IFT88: variants seen among roughly 807,000 people sequenced by gnomAD.
IFT88 encodes intraflagellar transport 88.
In IFT88, 74 loss-of-function variants were observed where a neutral mutation model predicts 119.5. The observed-to-expected ratio is 0.62, with a 90% CI of 0.51 to 0.75. The LOEUF is 0.75. Among genes scored for constraint, IFT88 ranks in the 30% least tolerant of loss-of-function variants. IFT88 has a pLI of 0.00. For synonymous variants in IFT88, 279 were observed against 316.7 expected (o/e 0.88, Z 1.26); for missense variants, 961 against 977.7 (o/e 0.98, Z 0.23).
intron 14 of IFT88, among the ~76,000 whole-genome samples, chr13:20,621,546 A>T (rs937547607): frequency 7.5e-4 from 17 of 22,532 alleles, no homozygotes; most frequent in South Asian, 4.7e-3. Flanking sequence ...AAAAAAAAAA[A>T]AAAAAAAAAA....
chr13:20,625,697 C>A, intron 14 of IFT88, 53 bp from the exon 15 acceptor site: 1 of 1,214,444 alleles, frequency 8.2e-7, no homozygotes, highest in South Asian at 1.3e-5. Flanking sequence ...AAACCAACAG[C>A]ATCAATATAC....
At chr13:20,683,503 G>C (rs561539542) in intron 24 of IFT88, among the ~76,000 whole-genome samples, 5 of 152,226 alleles carry the variant, frequency 3.3e-5, no homozygotes, top group African/African-American at 1.2e-4. Context: ...TGACTGGATA[G>C]TCCCAGGTTG....
chr13:20,587,415 A>T (rs775293220), intron 3 of IFT88, among the ~76,000 whole-genome samples: 4 of 151,634 alleles, frequency 2.6e-5, no homozygotes, highest in Admixed American at 2.0e-4. Flanking sequence ...GAGCCACCAC[A>T]CCTGGCTAAT....
At position 20,671,019 on chromosome 13, in the gene IFT88, G is replaced by C; in HGVS notation, c.2222G>C (p.Arg741Thr). The C allele has an allele frequency of 6.2e-7, 1 of 1,614,050 alleles. No homozygotes were observed. The highest frequency in any genetic ancestry group is 2.2e-5 in the East Asian group (1 of 44,880). Residue 741 changes from arginine to threonine, a missense_variant, in exon 24 of 26, where the codon AGA (arginine) becomes ACA (threonine). Arg to Thr is a moderately conservative substitution (Grantham distance 71). Transcript: ENST00000351808. ...RDGSGGSRGK[R>T]EGSASGDSGQ... Reference sequence around the variant, plus strand: ...GGCAGTGGGGGCTCCCGTGGCAAAAGAGAAGGAAGTGCTAGCGGTGGTAAG... The same window carrying C: ...GGCAGTGGGGGCTCCCGTGGCAAAACAGAAGGAAGTGCTAGCGGTGGTAAG...
At chr13:20,579,751 G>A (rs1224075186) in intron 2 of IFT88, among the ~76,000 whole-genome samples, 2 of 152,198 alleles carry the variant, frequency 1.3e-5, no homozygotes, top group African/African-American at 4.8e-5. Flanking sequence ...AGCTGTGAAT[G>A]TGCTGGGTCA....
chr13:20,599,385 T>TTC (rs2042247003), intron 10 of IFT88, 66 bp from the exon 11 acceptor site: 1 of 597,766 alleles, frequency 1.7e-6, no homozygotes, highest in Non-Finnish European at 2.9e-6. Flanking sequence ...GAATTAAAAG[T>TTC]CATCTAAAAT....
At chr13:20,635,117 A>G (rs944443858) in intron 16 of IFT88, among the ~76,000 whole-genome samples, 3 of 151,994 alleles carry the variant, frequency 2.0e-5, no homozygotes, top group Non-Finnish European at 2.9e-5. Context: ...TGTCCCTACA[A>G]AGGACATGAA....
At chr13:20,592,295 G>A in intron 6 of IFT88, 40 bp from the exon 7 acceptor site, 1 of 1,481,700 alleles carries the variant, frequency 6.7e-7, no homozygotes, top group South Asian at 1.2e-5. Context: ...CGATTTTGCT[G>A]AGTTACAAAT....
intron 13 of IFT88, among the ~76,000 whole-genome samples, chr13:20,613,199 G>A (rs1231618510): frequency 6.6e-6 from 1 of 151,716 alleles, no homozygotes; most frequent in Non-Finnish European, 1.5e-5. Flanking sequence ...ATCTGAGAGG[G>A]GACTTATTTC....
intron 1 of IFT88, among the ~76,000 whole-genome samples, chr13:20,569,499 G>T (rs943744058): frequency 2.0e-5 from 3 of 151,736 alleles, no homozygotes; most frequent in Non-Finnish European, 4.4e-5. Flanking sequence ...CGTGAACTCG[G>T]GAGGCGGAGC....
intron 22 of IFT88, among the ~76,000 whole-genome samples, chr13:20,660,349 A>G (rs2053581433): frequency 6.6e-6 from 1 of 152,168 alleles, no homozygotes; most frequent in African/African-American, 2.4e-5. Context: ...GGACCTGTGG[A>G]TCCTCACAGG....
rs925392295 is a variant in IFT88, at chr13:20,663,177, T to C, written c.2069-321T>C. The C allele has an allele frequency of 6.2e-6, 7 of 1,137,106 alleles. No individual in the cohort carries two copies. In the African/African-American group the frequency reaches 6.4e-5, roughly 10 times the overall value. 70.4% of individuals were successfully genotyped at this position (1,137,106 alleles called of 1,614,324 possible). A position where few individuals can be genotyped will look rare whatever the true frequency, so the allele number is the denominator to read the frequency against. Reference sequence around the variant, plus strand: ...TCTCTTATAGCTCTTTATATGTATTTATGAAACTGCTATAGAACATTAACA... The same window carrying C: ...TCTCTTATAGCTCTTTATATGTATTCATGAAACTGCTATAGAACATTAACA... On this transcript the variant is annotated intron_variant, in intron 22 of 25. Coordinates refer to ENST00000351808, the MANE Select transcript of IFT88 (RefSeq NM_006531.5).
At chr13:20,649,784 A>T (rs112456178) in intron 20 of IFT88, among the ~76,000 whole-genome samples, 115 of 152,272 alleles carry the variant, frequency 7.6e-4, no homozygotes, top group African/African-American at 2.7e-3. Flanking sequence ...GGACTTAATT[A>T]CTAAGATTAG....
intron 13 of IFT88, among the ~76,000 whole-genome samples, chr13:20,611,601 T>G (rs1000764345): frequency 2.0e-5 from 3 of 151,676 alleles, no homozygotes; most frequent in Admixed American, 2.0e-4. Context: ...TTTTACCAGT[T>G]TTTTGTTTTG....
At chr13:20,669,795 T>G (rs1161895522) in intron 23 of IFT88, among the ~76,000 whole-genome samples, 1 of 152,194 alleles carries the variant, frequency 6.6e-6, no homozygotes, top group Non-Finnish European at 1.5e-5. Flanking sequence ...AAATCAAGTT[T>G]TGAAATAAAG....
Position 20,688,052 on chromosome 13 carries a change from C to G in IFT88, c.2243-2653C>G, listed in dbSNP as rs1009386410. ...TAGGCCAAGTCGGAAAGAGGCCACT[C>G]TGGCCGGGCACGGTGGCTGAAGCCT... On this transcript the variant is annotated intron_variant, in intron 24 of 25. Transcript: ENST00000351808. Among the ~76,000 whole-genome samples the G allele has an allele frequency of 2.0e-5, 3 of 152,294 alleles. No homozygotes were observed. In the East Asian group the frequency reaches 5.8e-4, roughly 29 times the overall value.
Position 20,669,291 on chromosome 13 carries a change from A to G in IFT88, c.2176-1682A>G, listed in dbSNP as rs147492925. 7.5e-4 allele frequency among the ~76,000 whole-genome samples: 114 copies of G among 152,298 alleles called. 2 individuals are homozygous for G. In the East Asian group the frequency reaches 0.02, roughly 27 times the overall value. On this transcript the variant is annotated intron_variant, in intron 23 of 25. Transcript: ENST00000351808. ...TCAGGCAATAAAGAGTGTAGTGATT[A>G]TGGAAGTGCTTACTTACCTTCGCAT...
At chr13:20,630,464 C>T (rs887775248) in intron 15 of IFT88, among the ~76,000 whole-genome samples, 4 of 152,188 alleles carry the variant, frequency 2.6e-5, no homozygotes, top group Non-Finnish European at 5.9e-5. Flanking sequence ...AATTTGATCA[C>T]ATCTCTTAGG....
chr13:20,572,216 A>G (rs1415948788), intron 1 of IFT88, among the ~76,000 whole-genome samples: 5 of 151,880 alleles, frequency 3.3e-5, no homozygotes, highest in Admixed American at 1.3e-4. Flanking sequence ...CAATCCATCT[A>G]TCAAGCCATC....
Sources: allele counts gnomAD v4.1 joint callset (sites outside exome capture counted in the v4.1 genomes callset), GRCh38; gene constraint gnomAD v4.1.1; transcripts MANE v1.5; gene names NCBI Gene and HGNC (gene_info 2026-07-23, HGNC 2026-07-21).